Variants in MYRIP observed in about 807,000 individuals in gnomAD.
The protein encoded by MYRIP is myosin VIIA and Rab interacting protein, also known as rab effector MyRIP.
Under a neutral mutation model 98.0 loss-of-function variants are expected in MYRIP, and 49 were observed. The observed-to-expected ratio is 0.50, with a 90% CI of 0.40 to 0.63. The LOEUF (loss-of-function observed/expected upper bound fraction) is 0.63, where lower values mean the gene tolerates loss of function less well. Among genes scored for constraint, MYRIP ranks in the 30% least tolerant of loss-of-function variants. The pLI is 0.00. For missense variants in MYRIP, 1,004 were observed against 1,058.2 expected (o/e 0.95, Z 0.71); for synonymous variants, 404 against 409.5 (o/e 0.99, Z 0.16).
At chr3:39,895,523 A>T (rs1048848856) in intron 1 of MYRIP, among the ~76,000 whole-genome samples, 23 of 151,004 alleles carry the variant, frequency 1.5e-4, no homozygotes, top group Non-Finnish European at 2.8e-4. Context: ...CCATATATAT[A>T]TTTTTTTTTC....
rs550014056 is a variant in MYRIP, at chr3:39,867,271, A to C, written c.-30-33516A>C. ...AAGCTCCTTTATGTTGGCTTTAGCA[A>C]TGATTTTTTTCACAAAAGCACAAGC... On this transcript the variant is annotated intron_variant, in intron 1 of 16. Coordinates refer to ENST00000302541, the MANE Select transcript of MYRIP (RefSeq NM_015460.4). 1.2e-3 allele frequency among the ~76,000 whole-genome samples: 179 copies of C among 152,318 alleles called. 2 individuals are homozygous for C. The South Asian group carries it at 0.036, about 31-fold the overall frequency.
intron 3 of MYRIP, among the ~76,000 whole-genome samples, chr3:40,130,958 G>T (rs1949625686): frequency 6.6e-6 from 1 of 152,072 alleles, no homozygotes; most frequent in African/African-American, 2.4e-5. Flanking sequence ...GGTAGCACTT[G>T]GTCTTAGTCA....
chr3:40,139,476 T>G (rs1949849507), intron 3 of MYRIP, among the ~76,000 whole-genome samples: 1 of 152,256 alleles, frequency 6.6e-6, no homozygotes, highest in Admixed American at 6.5e-5. Flanking sequence ...TTCCTTCTTT[T>G]AAAATTTCAT....
chr3:39,815,747 GT>G (rs1472507958), intron 1 of MYRIP, among the ~76,000 whole-genome samples: 1 of 152,160 alleles, frequency 6.6e-6, no homozygotes, highest in Admixed American at 6.5e-5. Flanking sequence ...TAGAGGAATA[GT>G]GGTGATAGTG....
intron 3 of MYRIP, among the ~76,000 whole-genome samples, chr3:40,048,226 T>G (rs1947710947): frequency 1.3e-5 from 2 of 152,144 alleles, no homozygotes; most frequent in Admixed American, 1.3e-4. Flanking sequence ...AGATGACCAC[T>G]TTTGTGAGGC....
chr3:40,186,759 G>C (rs778104809), intron 9 of MYRIP, among the ~76,000 whole-genome samples: 12 of 152,202 alleles, frequency 7.9e-5, no homozygotes, highest in Non-Finnish European at 1.5e-4. Context: ...GGCACACACA[G>C]AGCCTGCTGC....
chr3:39,990,933 T>C (rs1269980823), intron 2 of MYRIP, among the ~76,000 whole-genome samples: 1 of 152,044 alleles, frequency 6.6e-6, no homozygotes, highest in Non-Finnish European at 1.5e-5. Context: ...TTCTCACTCA[T>C]AAGTGGGAGT....
chr3:39,957,652 C>G (rs1945202716), intron 2 of MYRIP, among the ~76,000 whole-genome samples: 1 of 152,126 alleles, frequency 6.6e-6, no homozygotes, highest in Admixed American at 6.6e-5. Flanking sequence ...CACTCCTATT[C>G]AACATAGTGT....
intron 2 of MYRIP, among the ~76,000 whole-genome samples, chr3:39,987,124 A>G (rs562469553): frequency 6.6e-6 from 1 of 152,064 alleles, no homozygotes; most frequent in South Asian, 2.1e-4. Flanking sequence ...CCCTGCATGC[A>G]TTCGTTATTT....
In MYRIP at chr3:40,254,306, G is replaced by A. The variant is rs994978227; in HGVS notation, c.2547+2307G>A. Among the ~76,000 whole-genome samples the A allele has an allele frequency of 2.0e-5, 3 of 152,146 alleles. No homozygotes were observed. In the East Asian group the frequency reaches 5.8e-4, roughly 29 times the overall value. ...GTACACAATTTTCATGTAAGAGGAG[G>A]GTAGGGAAAAATAGTCATTCATGCC... On this transcript the variant is annotated intron_variant, in intron 16 of 16. Coordinates refer to ENST00000302541, the MANE Select transcript of MYRIP (RefSeq NM_015460.4).
intron 1 of MYRIP, among the ~76,000 whole-genome samples, chr3:39,814,554 G>A (rs2125564212): frequency 6.6e-6 from 1 of 152,070 alleles, no homozygotes; most frequent in East Asian, 1.9e-4. Context: ...TTAATGAATA[G>A]TTTACTATTT....
intron 3 of MYRIP, among the ~76,000 whole-genome samples, chr3:40,148,465 C>G (rs1406477256): frequency 1.3e-5 from 2 of 152,102 alleles, no homozygotes; most frequent in Non-Finnish European, 2.9e-5. Context: ...TCTTTTCTCT[C>G]ATATATTCCA....
At chr3:39,940,396 A>G (rs547139992) in intron 2 of MYRIP, among the ~76,000 whole-genome samples, 19 of 152,038 alleles carry the variant, frequency 1.2e-4, no homozygotes, top group South Asian at 1.0e-3. Flanking sequence ...GCTATTTTCT[A>G]TTTTCCAAAG....
intron 4 of MYRIP, among the ~76,000 whole-genome samples, chr3:40,156,489 G>T (rs1260833193): frequency 1.1e-4 from 17 of 152,086 alleles, no homozygotes; most frequent in East Asian, 7.7e-4. Context: ...CTTTTTTGGT[G>T]CCATATGAAC....
At chr3:40,248,810 T>C (rs1240961508) in intron 13 of MYRIP, among the ~76,000 whole-genome samples, 1 of 152,218 alleles carries the variant, frequency 6.6e-6, no homozygotes, top group East Asian at 1.9e-4. Context: ...ACCAAAAGAA[T>C]GCAGTTCTTA....
intron 3 of MYRIP, among the ~76,000 whole-genome samples, chr3:40,141,026 C>G (rs548478602): frequency 4.1e-4 from 63 of 152,114 alleles, no homozygotes; most frequent in Middle Eastern, 3.4e-3. Flanking sequence ...TTTTTTTGTA[C>G]CCATTAACCA....
intron 12 of MYRIP, 117 bp downstream of exon 12, chr3:40,234,170 C>A: frequency 2.0e-6 from 2 of 1,007,768 alleles, no homozygotes; most frequent in Non-Finnish European, 2.8e-6. Flanking sequence ...ACACCACTAC[C>A]ACTATAGCAA....
chr3:40,032,383 C>A (rs1019587594), intron 2 of MYRIP, among the ~76,000 whole-genome samples: 33 of 152,086 alleles, frequency 2.2e-4, no homozygotes, highest in Non-Finnish European at 5.9e-5. Context: ...GCACTGTGGT[C>A]TGAGAGACAG....
chr3:39,813,894 A>T (rs1940784026), intron 1 of MYRIP, among the ~76,000 whole-genome samples: 2 of 144,746 alleles, frequency 1.4e-5, no homozygotes, highest in South Asian at 4.7e-4. Context: ...CACCTGTCTT[A>T]TCTATTTTTG....
Sources: gnomAD v4.1 joint callset for allele counts (sites outside exome capture counted in the v4.1 genomes callset) on GRCh38, gnomAD v4.1.1 for gene constraint, MANE v1.5 for transcripts, NCBI Gene and HGNC (gene_info 2026-07-23, HGNC 2026-07-21) for gene names.